The following GPC6 variants were observed in gnomAD, a reference collection of about 807,000 sequenced individuals.
The protein encoded by GPC6 is glypican-6.
A neutral mutation model predicts 55.2 loss-of-function variants in GPC6; 14 were observed. The ratio of observed to expected loss-of-function variants is 0.25; its 90% CI spans 0.17 to 0.40. The LOEUF is 0.40. Among genes scored for constraint, GPC6 ranks in the 10% least tolerant of loss-of-function variants. The pLI, the probability that GPC6 is intolerant of heterozygous loss-of-function variation, is 1.00. For synonymous variants in GPC6, 278 were observed against 259.6 expected, an observed-to-expected ratio of 1.07 and a Z score of -0.68; for missense variants, 641 against 708.5, an observed-to-expected ratio of 0.90 and a Z score of 1.08.
At chr13:93,278,559 CATT>C (rs1180496458) in intron 1 of GPC6, among the ~76,000 whole-genome samples, 1 of 152,138 alleles carries the variant, frequency 6.6e-6, no homozygotes, top group Admixed American at 6.5e-5. Context: ...TTGTGTTTAT[CATT>C]GTCATGTGGA....
intron 3 of GPC6, among the ~76,000 whole-genome samples, chr13:93,912,461 C>T (rs1331315139): frequency 2.0e-5 from 3 of 152,166 alleles, no homozygotes; most frequent in African/African-American, 7.2e-5. Flanking sequence ...AAGACAAATT[C>T]GGCCGGGTGC....
In GPC6 at chr13:93,889,126, G is replaced by T. The variant is rs116175611; in HGVS notation, c.711+58581G>T. ...TAATTTTAAAATATATGGTTGATATGTCTAGATCCTAATAAGGGGAATGGG... is the reference window on the plus strand; with the variant it reads ...TAATTTTAAAATATATGGTTGATATTTCTAGATCCTAATAAGGGGAATGGG... On this transcript the variant is annotated intron_variant, in intron 3 of 8. Transcript: ENST00000377047. Among the ~76,000 whole-genome samples the T allele has an allele frequency of 3.7e-3, 561 of 152,094 alleles. 4 individuals are homozygous for T. Among genetic ancestry groups the T allele is most frequent in the African/African-American group, 0.013 (535 of 41,496 alleles).
chr13:93,706,733 A>G (rs1882859938), intron 2 of GPC6, among the ~76,000 whole-genome samples: 1 of 151,894 alleles, frequency 6.6e-6, no homozygotes, highest in South Asian at 2.1e-4. Context: ...ATAGTTTAAT[A>G]ATGGAGAATC....
At chr13:94,282,463 G>C (rs921206151) in intron 4 of GPC6, among the ~76,000 whole-genome samples, 4 of 152,112 alleles carry the variant, frequency 2.6e-5, no homozygotes, top group Admixed American at 2.0e-4. Flanking sequence ...TCTCCCACTA[G>C]GTCTCTCCCA....
intron 1 of GPC6, among the ~76,000 whole-genome samples, chr13:93,403,407 T>A (rs1258117926): frequency 6.6e-6 from 1 of 152,170 alleles, no homozygotes; most frequent in African/African-American, 2.4e-5. Flanking sequence ...TTCTTGTGCC[T>A]TCACTTCCTT....
intron 1 of GPC6, among the ~76,000 whole-genome samples, chr13:93,464,817 C>A (rs923907318): frequency 5.9e-5 from 9 of 152,134 alleles, no homozygotes; most frequent in African/African-American, 2.2e-4. Flanking sequence ...CCAGATCCAT[C>A]AGAGGAATCA....
chr13:93,441,056 G>A (rs937149052), intron 1 of GPC6, among the ~76,000 whole-genome samples: 3 of 152,106 alleles, frequency 2.0e-5, no homozygotes, highest in African/African-American at 7.2e-5. Flanking sequence ...AGTATTCCAT[G>A]GTGTATATGT....
At chr13:94,158,097 G>T (rs563463145) in intron 4 of GPC6, among the ~76,000 whole-genome samples, 1 of 152,274 alleles carries the variant, frequency 6.6e-6, no homozygotes, top group Admixed American at 6.5e-5. Context: ...TGGTCAGTAA[G>T]CCCAATTTCC....
intron 2 of GPC6, among the ~76,000 whole-genome samples, chr13:93,625,664 C>G (rs2139563707): frequency 6.6e-6 from 1 of 152,332 alleles, no homozygotes; most frequent in South Asian, 2.1e-4. Flanking sequence ...AAAAATCCCT[C>G]CTTCTACCTC....
chr13:94,402,204 AT>A (rs1433099343), intron 8 of GPC6, among the ~76,000 whole-genome samples: 4 of 152,142 alleles, frequency 2.6e-5, no homozygotes, highest in African/African-American at 7.2e-5. Flanking sequence ...TGCTCCTCTC[AT>A]TTCCTATTTG....
At chr13:93,877,419 A>G (rs747325756) in intron 3 of GPC6, among the ~76,000 whole-genome samples, 14 of 150,352 alleles carry the variant, frequency 9.3e-5, no homozygotes, top group Non-Finnish European at 1.8e-4. Context: ...AAATTTTTAG[A>G]CATTTAAAAA....
intron 1 of GPC6, among the ~76,000 whole-genome samples, chr13:93,268,679 C>T (rs76655694): frequency 0.012 from 1,773 of 152,138 alleles, 14 homozygotes; most frequent in Non-Finnish European, 0.019. Context: ...TTTGGAAGCA[C>T]GTGCATATGA....
chr13:93,593,586 A>C (rs1487226940), intron 2 of GPC6, among the ~76,000 whole-genome samples: 1 of 152,142 alleles, frequency 6.6e-6, no homozygotes, highest in African/African-American at 2.4e-5. Context: ...TGTATTGAAC[A>C]CTAAAATAAT....
At chr13:93,628,753 G>A (rs1879311493) in intron 2 of GPC6, among the ~76,000 whole-genome samples, 1 of 152,132 alleles carries the variant, frequency 6.6e-6, no homozygotes, top group Non-Finnish European at 1.5e-5. Flanking sequence ...ATTTAAATAA[G>A]ATGTTTTGTA....
intron 1 of GPC6, among the ~76,000 whole-genome samples, chr13:93,446,562 G>T (rs1878010225): frequency 6.6e-6 from 1 of 152,114 alleles, no homozygotes; most frequent in Admixed American, 6.6e-5. Flanking sequence ...AGCAGAAGTG[G>T]CATGTCTACA....
At chr13:93,750,989 C>G (rs565645488) in intron 2 of GPC6, among the ~76,000 whole-genome samples, 2 of 152,150 alleles carry the variant, frequency 1.3e-5, no homozygotes, top group South Asian at 4.1e-4. Flanking sequence ...AACCAGTGTG[C>G]AAAAGGAGGG....
intron 3 of GPC6, among the ~76,000 whole-genome samples, chr13:94,015,466 G>A (rs1368809732): frequency 3.3e-5 from 5 of 151,898 alleles, no homozygotes; most frequent in East Asian, 3.9e-4. Flanking sequence ...CCCATCTATT[G>A]GTTATCATGT....
chr13:94,316,318 A>G (rs185553751), intron 6 of GPC6, among the ~76,000 whole-genome samples: 57 of 152,326 alleles, frequency 3.7e-4, no homozygotes, highest in Admixed American at 6.5e-4. Context: ...CTTTGAGTTC[A>G]ATCATCATTC....
At chr13:93,344,819 A>G (rs1023959858) in intron 1 of GPC6, among the ~76,000 whole-genome samples, 1 of 152,162 alleles carries the variant, frequency 6.6e-6, no homozygotes, top group Non-Finnish European at 1.5e-5. Context: ...TTACTTTCTC[A>G]GTGCTAATGG....
Sources: gnomAD v4.1 joint callset for allele counts (sites outside exome capture counted in the v4.1 genomes callset) on GRCh38, gnomAD v4.1.1 for gene constraint, MANE v1.5 for transcripts, NCBI Gene and HGNC (gene_info 2026-07-23, HGNC 2026-07-21) for gene names.